The following MBNL2 variants were observed in gnomAD, a reference collection of about 807,000 sequenced individuals.
MBNL2 encodes muscleblind like splicing regulator 2.
MBNL2 carries 17 observed loss-of-function variants against 41.9 expected under a neutral mutation model. The observed-to-expected ratio is 0.41, with a 90% CI of 0.28 to 0.61. The LOEUF (loss-of-function observed/expected upper bound fraction) is 0.61, where lower values mean the gene tolerates loss of function less well. MBNL2 is among the 20% of genes least tolerant of loss of function. The pLI, the probability that MBNL2 is intolerant of heterozygous loss-of-function variation, is 0.35. For synonymous variants in MBNL2, 195 were observed against 182.9 expected (o/e 1.07, Z -0.53); for missense variants, 336 against 505.6 (o/e 0.66, Z 3.22).
chr13:97,157,571 C>G, the MBNL2 span, among the ~76,000 whole-genome samples: 3 of 145,516 alleles, frequency 2.1e-5, no homozygotes, highest in Admixed American at 2.1e-4. Context: ...TATGTCCCAT[C>G]AATACCTAAT....
intron 5 of MBNL2, among the ~76,000 whole-genome samples, chr13:97,355,988 C>T (rs1286084044): frequency 6.6e-6 from 1 of 152,160 alleles, no homozygotes; most frequent in African/African-American, 2.4e-5. Context: ...ATGAAATGAA[C>T]ATTTCAAATG....
chr13:97,376,000 G>A lies in MBNL2; in HGVS notation c.1048+10829G>A, dbSNP rs146209394. On this transcript the variant is annotated intron_variant, in intron 8 of 8. Transcript: ENST00000679496. ...GTCGGGTTATGGAGGGCCTTAAAGT[G>A]CAGGATGAGAACAGGACAGGACAGG... Among the ~76,000 whole-genome samples, 4 of 152,232 alleles carry A rather than the reference G, an allele frequency of 2.6e-5. No homozygotes were observed. In the South Asian group the frequency reaches 6.2e-4, roughly 24 times the overall value.
intron 8 of MBNL2, among the ~76,000 whole-genome samples, chr13:97,370,261 A>C (rs1171626980): frequency 2.0e-5 from 3 of 152,194 alleles, no homozygotes; most frequent in Non-Finnish European, 2.9e-5. Flanking sequence ...TGCTTTAACC[A>C]TGATGGTATA....
At chr13:97,201,069 A>G in the MBNL2 span, among the ~76,000 whole-genome samples, 84 of 152,102 alleles carry the variant, frequency 5.5e-4, no homozygotes, top group Non-Finnish European at 9.6e-4. Flanking sequence ...TAATGGACCA[A>G]AAAGAAGAAG....
chr13:97,238,755 G>A (rs943605491), intron 1 of MBNL2, among the ~76,000 whole-genome samples: 5 of 152,188 alleles, frequency 3.3e-5, no homozygotes, highest in Non-Finnish European at 7.3e-5. Context: ...GATAAAGTAA[G>A]CAAGTTTAGG....
intron 8 of MBNL2, among the ~76,000 whole-genome samples, chr13:97,370,910 A>ATGAT (rs995009692): frequency 4.3e-4 from 65 of 152,280 alleles, no homozygotes; most frequent in African/African-American, 1.5e-3. Context: ...TGGGGGGGAA[A>ATGAT]TGATAGGTAG....
chr13:97,310,127 T>G (rs2058457148), intron 2 of MBNL2, among the ~76,000 whole-genome samples: 1 of 152,142 alleles, frequency 6.6e-6, no homozygotes, highest in African/African-American at 2.4e-5. Flanking sequence ...ATAACCAGCT[T>G]CTCATGCTGC....
At chr13:97,297,214 G>A (rs1335415323) in intron 2 of MBNL2, among the ~76,000 whole-genome samples, 1 of 152,062 alleles carries the variant, frequency 6.6e-6, no homozygotes, top group Non-Finnish European at 1.5e-5. Flanking sequence ...ATTTATTGAG[G>A]GCCTAACATA....
chr13:97,173,099 G>T, the MBNL2 span, among the ~76,000 whole-genome samples: 1 of 152,154 alleles, frequency 6.6e-6, no homozygotes, highest in African/African-American at 2.4e-5. Context: ...GTATATGTGT[G>T]TGTATGTATA....
At chr13:97,185,532 G>A in the MBNL2 span, among the ~76,000 whole-genome samples, 130 of 152,292 alleles carry the variant, frequency 8.5e-4, no homozygotes, top group Non-Finnish European at 1.5e-3. Context: ...TACTCACAAT[G>A]GACCTGATAA....
intron 2 of MBNL2, among the ~76,000 whole-genome samples, chr13:97,282,434 A>G (rs1402781350): frequency 6.6e-6 from 1 of 152,218 alleles, no homozygotes; most frequent in Non-Finnish European, 1.5e-5. Context: ...CAGAAATTTC[A>G]ATCTTTAAAA....
intron 1 of MBNL2, among the ~76,000 whole-genome samples, chr13:97,273,927 G>C (rs1555308379): frequency 6.6e-6 from 1 of 152,126 alleles, no homozygotes; most frequent in South Asian, 2.1e-4. Flanking sequence ...TGGGCATGGT[G>C]GTGGGCACCA....
intron 3 of MBNL2, among the ~76,000 whole-genome samples, chr13:97,341,408 T>C (rs1426075489): frequency 6.6e-6 from 1 of 152,260 alleles, no homozygotes; most frequent in African/African-American, 2.4e-5. Context: ...ACTTGGCTTT[T>C]TCTCCAGTAG....
the MBNL2 span, among the ~76,000 whole-genome samples, chr13:97,167,699 T>A: frequency 6.6e-6 from 1 of 152,172 alleles, no homozygotes. Flanking sequence ...TCTATATATA[T>A]CATAGGCCTG....
chr13:97,297,342 G>A (rs1214427688), intron 2 of MBNL2, among the ~76,000 whole-genome samples: 1 of 152,188 alleles, frequency 6.6e-6, no homozygotes, highest in African/African-American at 2.4e-5. Flanking sequence ...CGTACAGTAT[G>A]ATAAGTACCA....
At chr13:97,206,805 C>T in the MBNL2 span, among the ~76,000 whole-genome samples, 1 of 152,166 alleles carries the variant, frequency 6.6e-6, no homozygotes, top group African/African-American at 2.4e-5. Flanking sequence ...TAGTGTAATA[C>T]TATGCCAAAT....
intron 5 of MBNL2, among the ~76,000 whole-genome samples, chr13:97,356,463 T>C (rs1416469101): frequency 6.6e-6 from 1 of 152,162 alleles, no homozygotes; most frequent in Non-Finnish European, 1.5e-5. Context: ...TTATGGTGTG[T>C]ATGCAAGCTG....
chr13:97,353,075 G>T lies in MBNL2; in HGVS notation c.805-3721G>T, dbSNP rs576598012. The stretch of plus-strand genomic sequence containing the variant: ...TACACATTTTCACATTACATTCATG[G>T]TTACATTCATCAAGCTGCATAAAGA... On this transcript the variant is annotated intron_variant, in intron 5 of 8. Transcript: ENST00000679496. Among the ~76,000 whole-genome samples the T allele has an allele frequency of 5.3e-5, 8 of 152,244 alleles. No homozygotes were observed. In the South Asian group the frequency reaches 1.7e-3, roughly 32 times the overall value.
At chr13:97,365,941 T>C (rs2063808732) in intron 8 of MBNL2, among the ~76,000 whole-genome samples, 1 of 152,160 alleles carries the variant, frequency 6.6e-6, no homozygotes, top group Admixed American at 6.5e-5. Context: ...CCCACAGCAG[T>C]TGCATTTCAT....
Sources: gnomAD v4.1 joint callset for allele counts (sites outside exome capture counted in the v4.1 genomes callset) on GRCh38, gnomAD v4.1.1 for gene constraint, MANE v1.5 for transcripts, NCBI Gene and HGNC (gene_info 2026-07-23, HGNC 2026-07-21) for gene names.